The following RGS6 variants were observed in gnomAD, a reference collection of about 807,000 sequenced individuals.
RGS6 encodes regulator of G protein signaling 6, also known as regulator of G-protein signaling 6.
In RGS6, 30 loss-of-function variants were observed where a neutral mutation model predicts 78.5. That is an observed-to-expected ratio of 0.38 (90% confidence interval 0.29 to 0.52). The LOEUF is 0.52. Ranked by LOEUF, RGS6 falls within the 20% of genes least tolerant of loss-of-function variation. RGS6 has a pLI of 0.85. For synonymous variants in RGS6, 206 were observed against 206.0 expected (o/e 1.00, Z 0.00); for missense variants, 495 against 609.7 (o/e 0.81, Z 1.98).
intron 2 of RGS6, among the ~76,000 whole-genome samples, chr14:72,090,997 A>C (rs966616703): frequency 2.6e-5 from 1 of 38,152 alleles, no homozygotes; most frequent in African/African-American, 6.3e-5. Flanking sequence ...AGTGATTTCC[A>C]CTAAATAACC....
At chr14:72,555,396 C>G (rs187629525) in intron 17 of RGS6, among the ~76,000 whole-genome samples, 1 of 152,376 alleles carries the variant, frequency 6.6e-6, no homozygotes, top group East Asian at 1.9e-4. Flanking sequence ...ATGGCACCTC[C>G]TTTCTCTCAG....
chr14:72,106,655 G>A (rs990870848), intron 2 of RGS6, among the ~76,000 whole-genome samples: 4 of 152,084 alleles, frequency 2.6e-5, no homozygotes, highest in Admixed American at 6.6e-5. Flanking sequence ...ATCCCTAGCC[G>A]CAATCATTTA....
At chr14:72,032,683 CATATAACTAGACTT>C (rs139891501) in intron 2 of RGS6, among the ~76,000 whole-genome samples, 10,003 of 152,202 alleles carry the variant, frequency 0.066, 444 homozygotes, top group East Asian at 0.17. Flanking sequence ...AAGTATACCT[CATATAACTAGACTT>C]ATGCAGTATT....
chr14:71,924,230 C>T, the RGS6 span, among the ~76,000 whole-genome samples: 6 of 150,958 alleles, frequency 4.0e-5, no homozygotes, highest in South Asian at 2.1e-4. Context: ...ATTTTTGTAG[C>T]GATGCGGTAT....
intron 2 of RGS6, among the ~76,000 whole-genome samples, chr14:72,323,390 A>G (rs956464222): frequency 6.6e-6 from 1 of 152,104 alleles, no homozygotes; most frequent in Non-Finnish European, 1.5e-5. Flanking sequence ...TCTGTTTAAC[A>G]TAAAGATGTC....
At chr14:72,372,788 G>A (rs936280607) in intron 3 of RGS6, among the ~76,000 whole-genome samples, 6 of 152,192 alleles carry the variant, frequency 3.9e-5, no homozygotes, top group African/African-American at 1.2e-4. Context: ...CTCACTGATT[G>A]GATTCTTGCT....
At chr14:72,099,567 C>A (rs1352106404) in intron 2 of RGS6, among the ~76,000 whole-genome samples, 1 of 152,124 alleles carries the variant, frequency 6.6e-6, no homozygotes, top group East Asian at 1.9e-4. Context: ...GTTCCCAGGA[C>A]AATATCATTT....
At chr14:72,468,709 G>A (rs1382044772) in intron 7 of RGS6, among the ~76,000 whole-genome samples, 1 of 152,082 alleles carries the variant, frequency 6.6e-6, no homozygotes, top group Non-Finnish European at 1.5e-5. Context: ...TACCATGTCA[G>A]TAACTATAAT....
chr14:72,198,236 C>A (rs2040657308), intron 2 of RGS6, among the ~76,000 whole-genome samples: 1 of 152,112 alleles, frequency 6.6e-6, no homozygotes, highest in African/African-American at 2.4e-5. Context: ...ACGTGTAGTC[C>A]CAGCTACTCA....
intron 16 of RGS6, 99 bp downstream of exon 16, chr14:72,536,374 T>G: frequency 3.4e-6 from 3 of 882,960 alleles, no homozygotes; most frequent in Non-Finnish European, 5.7e-6. Flanking sequence ...GGGTTTTATT[T>G]ATTTCCTACT....
chr14:72,488,206 A>G (rs2153393179), intron 12 of RGS6, among the ~76,000 whole-genome samples: 1 of 152,296 alleles, frequency 6.6e-6, no homozygotes, highest in East Asian at 1.9e-4. Flanking sequence ...AGTTGCTCGT[A>G]ATGACTTTGG....
At chr14:72,034,137 A>C (rs1463253523) in intron 2 of RGS6, among the ~76,000 whole-genome samples, 2 of 152,128 alleles carry the variant, frequency 1.3e-5, no homozygotes, top group Non-Finnish European at 2.9e-5. Context: ...GTGAAGAGAG[A>C]TAATTTTACT....
chr14:72,522,829 T>C (rs1410413043), intron 15 of RGS6, among the ~76,000 whole-genome samples: 1 of 152,202 alleles, frequency 6.6e-6, no homozygotes, highest in Non-Finnish European at 1.5e-5. Flanking sequence ...CACATGGTCA[T>C]GAAAATTATT....
intron 3 of RGS6, among the ~76,000 whole-genome samples, chr14:72,395,659 A>G (rs1047652819): frequency 1.8e-4 from 28 of 152,024 alleles, no homozygotes; most frequent in African/African-American, 6.3e-4. Flanking sequence ...CATTAGGTAT[A>G]TCTCCTAATG....
Position 72,132,264 on chromosome 14 carries a change from ATTC to A in RGS6, c.84+167404_84+167406del, listed in dbSNP as rs545569202. 5.0e-3 allele frequency among the ~76,000 whole-genome samples: 754 copies of A among 149,768 alleles called. 1 individual carries two copies. Among genetic ancestry groups the A allele is most frequent in the Admixed American group, 0.014 (206 of 15,000 alleles). On this transcript the variant is annotated intron_variant, in intron 2 of 17. Coordinates refer to ENST00000553525, the MANE Select transcript of RGS6 (RefSeq NM_001204424.2). Reference sequence around the variant, plus strand: ...AGTAGACAATCCTCATTTTGTATGTATTCTTCTTCTTCTTCTTTTTTTTTTTTT... The same window carrying A: ...AGTAGACAATCCTCATTTTGTATGTATTCTTCTTCTTCTTTTTTTTTTTTT...
intron 2 of RGS6, among the ~76,000 whole-genome samples, chr14:72,234,659 G>A (rs568412032): frequency 2.6e-5 from 4 of 152,040 alleles, no homozygotes; most frequent in African/African-American, 7.2e-5. Context: ...CAGTGACAGG[G>A]ACACCACCAC....
In RGS6 at chr14:72,255,971, C is replaced by T. The variant is rs148247637; in HGVS notation, c.85-96124C>T. 3.7e-3 allele frequency among the ~76,000 whole-genome samples: 561 copies of T among 152,252 alleles called. 4 individuals carry two copies. Among genetic ancestry groups the T allele is most frequent in the African/African-American group, 0.012 (514 of 41,550 alleles). On this transcript the variant is annotated intron_variant, in intron 2 of 17. Transcript: ENST00000553525. ...TTCAGAAACGTGCAACTTCTTTGAA[C>T]GCATATTAAATGTTTTTAAATTTAA...
At chr14:72,173,517 C>T (rs2097057509) in intron 2 of RGS6, among the ~76,000 whole-genome samples, 1 of 152,148 alleles carries the variant, frequency 6.6e-6, no homozygotes, top group African/African-American at 2.4e-5. Context: ...CTTTGACTTG[C>T]CAAGGACATT....
chr14:72,141,125 G>T (rs1361732440), intron 2 of RGS6, among the ~76,000 whole-genome samples: 1 of 152,140 alleles, frequency 6.6e-6, no homozygotes, highest in Non-Finnish European at 1.5e-5. Context: ...CAGAGACTTG[G>T]TTATATTCTG....
Sources: allele counts gnomAD v4.1 joint callset (sites outside exome capture counted in the v4.1 genomes callset), GRCh38; gene constraint gnomAD v4.1.1; transcripts MANE v1.5; gene names NCBI Gene and HGNC (gene_info 2026-07-23, HGNC 2026-07-21).